The following MARCHF7 variants were observed in gnomAD, a reference collection of about 807,000 sequenced individuals.
MARCHF7 encodes the protein E3 ubiquitin-protein ligase MARCHF7.
In MARCHF7, 20 loss-of-function variants were observed where a neutral mutation model predicts 76.5. The observed-to-expected ratio is 0.26, with a 90% CI of 0.18 to 0.38. The LOEUF (loss-of-function observed/expected upper bound fraction) is 0.38, where lower values mean the gene tolerates loss of function less well. MARCHF7 is among the 10% of genes least tolerant of loss of function. MARCHF7 has a pLI of 1.00. For synonymous variants in MARCHF7, 295 were observed against 293.0 expected (o/e 1.01, Z -0.07); for missense variants, 797 against 812.9 (o/e 0.98, Z 0.24).
intron 7 of MARCHF7, among the ~76,000 whole-genome samples, chr2:159,750,877 C>CT (rs1705561381): frequency 6.6e-6 from 1 of 151,368 alleles, no homozygotes; most frequent in South Asian, 2.1e-4. Flanking sequence ...TTTTTTTGTA[C>CT]TTTAATAAGA....
intron 4 of MARCHF7, among the ~76,000 whole-genome samples, chr2:159,739,981 C>T (rs1315303012): frequency 3.9e-5 from 6 of 152,170 alleles, no homozygotes; most frequent in Middle Eastern, 3.2e-3. Flanking sequence ...TCTAAATCTG[C>T]TCCCCTATAA....
intron 3 of MARCHF7, among the ~76,000 whole-genome samples, chr2:159,724,981 C>T (rs917081258): frequency 6.6e-6 from 1 of 152,136 alleles, no homozygotes; most frequent in Non-Finnish European, 1.5e-5. Context: ...TGGTTTCCAG[C>T]TTCATCTATG....
rs1441478649 is a variant in MARCHF7 at position 159,743,306 on chromosome 2, C to T, written c.346+53C>T. 5 of 1,512,588 alleles carry T rather than the reference C, an allele frequency of 3.3e-6. No individual in the cohort carries two copies. In the African/African-American group the frequency reaches 5.6e-5, roughly 17 times the overall value. The allele number at this position is 1,512,588 out of a possible 1,614,324, so 93.7% of individuals were successfully genotyped here. A position where few individuals can be genotyped will look rare whatever the true frequency, so the allele number is the denominator to read the frequency against. On this transcript the variant is annotated intron_variant, in intron 5 of 11. Transcript: ENST00000409175. ...AAGCCGTTTTTCTCCAGGTGTAACA[C>T]AGTTGTTCTTAGTTTTGGAATGAGG...
At chr2:159,745,650 C>T (rs191815062) in intron 5 of MARCHF7, 120 bp from the exon 6 acceptor site, 66 of 649,856 alleles carry the variant, frequency 1.0e-4, no homozygotes, top group East Asian at 2.0e-4. Flanking sequence ...AGTGAGACTC[C>T]GTCTCAAATA....
At chr2:159,764,564 TTC>T (rs1707532827) in intron 10 of MARCHF7, 60 bp from the exon 11 acceptor site, 5 of 1,328,362 alleles carry the variant, frequency 3.8e-6, no homozygotes, top group Middle Eastern at 3.7e-4. Context: ...CCTATACTGA[TTC>T]TCTCTTTAGA....
In MARCHF7 at chr2:159,743,666, A is replaced by G. The variant is rs543625841; in HGVS notation, c.346+413A>G. On this transcript the variant is annotated intron_variant, in intron 5 of 11. Coordinates refer to ENST00000409175, the MANE Select transcript of MARCHF7 (RefSeq NM_001282805.2). The stretch of plus-strand genomic sequence containing the variant: ...TTTATTTTCAGAAAATACGGAGGCT[A>G]AGGCAGGATGATCGCTTGAGGCCAG... Among the ~76,000 whole-genome samples, 221 of 152,192 alleles carry G rather than the reference A, an allele frequency of 1.5e-3. 1 individual carries two copies. Among genetic ancestry groups the G allele is most frequent in the Non-Finnish European group, 2.6e-3 (178 of 68,006 alleles).
intron 3 of MARCHF7, among the ~76,000 whole-genome samples, chr2:159,720,702 A>G (rs1701538959): frequency 6.6e-6 from 1 of 152,252 alleles, no homozygotes; most frequent in South Asian, 2.1e-4. Context: ...TCCTCTAGCA[A>G]GATTTATGTT....
chr2:159,714,967 G>C (rs1700869293), intron 2 of MARCHF7, among the ~76,000 whole-genome samples: 1 of 152,166 alleles, frequency 6.6e-6, no homozygotes, highest in South Asian at 2.1e-4. Context: ...GGAATGGAGA[G>C]CTATTGTGTT....
intron 4 of MARCHF7, among the ~76,000 whole-genome samples, chr2:159,741,031 A>T (rs1704059589): frequency 6.6e-6 from 1 of 152,182 alleles, no homozygotes; most frequent in South Asian, 2.1e-4. Context: ...TAAATTTAAA[A>T]ATTAATAATT....
chr2:159,753,849 T>A (rs889178874), intron 8 of MARCHF7, among the ~76,000 whole-genome samples: 1 of 152,076 alleles, frequency 6.6e-6, no homozygotes, highest in African/African-American at 2.4e-5. Flanking sequence ...ATTTTGTAGG[T>A]AGGTTCTGTA....
At chr2:159,739,266 C>T (rs1387924692) in intron 4 of MARCHF7, among the ~76,000 whole-genome samples, 1 of 152,228 alleles carries the variant, frequency 6.6e-6, no homozygotes, top group Non-Finnish European at 1.5e-5. Flanking sequence ...ACAGACCCTG[C>T]CACGCCTCCC....
At chr2:159,763,230 G>A (rs1159938303) in intron 10 of MARCHF7, among the ~76,000 whole-genome samples, 4 of 152,118 alleles carry the variant, frequency 2.6e-5, no homozygotes, top group Non-Finnish European at 4.4e-5. Context: ...GCTCTCAAAG[G>A]TAATTGGAAT....
intron 3 of MARCHF7, among the ~76,000 whole-genome samples, chr2:159,721,351 A>T (rs1297017535): frequency 1.3e-5 from 2 of 152,198 alleles, no homozygotes; most frequent in Non-Finnish European, 2.9e-5. Flanking sequence ...AAGCAAGCCC[A>T]CAGGTTTGTG....
intron 10 of MARCHF7, among the ~76,000 whole-genome samples, chr2:159,763,659 T>C (rs745994137): frequency 2.6e-5 from 4 of 152,238 alleles, no homozygotes; most frequent in Non-Finnish European, 5.9e-5. Flanking sequence ...ACACTTCATG[T>C]CTTGAAATGT....
rs749178254 is a variant in MARCHF7 at position 159,770,256 on chromosome 2, A to G, written c.*2914A>G. On this transcript the variant is annotated 3_prime_UTR_variant, in exon 12 of 12. Coordinates refer to ENST00000409175, the MANE Select transcript of MARCHF7 (RefSeq NM_001282805.2). Reference sequence around the variant, plus strand: ...TATCAATAATAAAATAGACATCTCAATCACTATACAAAATCTCAGAAATGT... The same window carrying G: ...TATCAATAATAAAATAGACATCTCAGTCACTATACAAAATCTCAGAAATGT... 2.0e-5 allele frequency: 3 copies of G among 152,188 alleles called. No homozygotes were observed. Among genetic ancestry groups the G allele is most frequent in the Non-Finnish European group, 2.9e-5 (2 of 68,028 alleles). 9.4% of individuals were successfully genotyped at this position (152,188 alleles called of 1,614,324 possible).
chr2:159,743,932 C>G (rs1704476954), intron 5 of MARCHF7, among the ~76,000 whole-genome samples: 1 of 143,846 alleles, frequency 7.0e-6, no homozygotes, highest in African/African-American at 2.6e-5. Context: ...AATACAGAAA[C>G]TCTTGAGTTA....
Position 159,770,517 on chromosome 2 carries a change from C to CTA in MARCHF7, c.*3177_*3178dup, listed in dbSNP as rs751384571. The CTA allele has an allele frequency of 1.6e-4, 24 of 152,150 alleles. No homozygotes were observed. The highest frequency in any genetic ancestry group is 3.5e-4 in the Non-Finnish European group (24 of 68,022). 9.4% of individuals were successfully genotyped at this position (152,150 alleles called of 1,614,324 possible). ...CAAGCTAGTGAGATAGTATATCTAT[C>CTA]TATCTCCCCAGAAGAAAGTAAGATA... On this transcript the variant is annotated 3_prime_UTR_variant, in exon 12 of 12. Transcript: ENST00000409175.
chr2:159,730,789 G>A (rs1702691817), intron 4 of MARCHF7, among the ~76,000 whole-genome samples: 1 of 152,142 alleles, frequency 6.6e-6, no homozygotes, highest in South Asian at 2.1e-4. Context: ...TATTAATGAG[G>A]AACACAAATT....
In MARCHF7 at chr2:159,748,554, CAT is replaced by C; in HGVS notation, c.1267_1268del (p.Ile423PhefsTer2). On this transcript the variant is annotated frameshift_variant, in exon 7 of 12. Coordinates refer to ENST00000409175, the MANE Select transcript of MARCHF7 (RefSeq NM_001282805.2). LOFTEE classifies it high-confidence loss of function. ...TACCTCTGATACATCATCTAGATCT[CAT>C]ATTTTTAGAAGAGAATCAAATGAAG... ...IPTSDTSSRS[H>X]IFRRESNEVV... 1 of 1,614,168 alleles carries C rather than the reference CAT, an allele frequency of 6.2e-7. No homozygotes were observed. The highest frequency in any genetic ancestry group is 8.5e-7 in the Non-Finnish European group (1 of 1,180,022).
Sources: gnomAD v4.1 joint callset for allele counts (sites outside exome capture counted in the v4.1 genomes callset) on GRCh38, gnomAD v4.1.1 for gene constraint, MANE v1.5 for transcripts, NCBI Gene and HGNC (gene_info 2026-07-23, HGNC 2026-07-21) for gene names.